RORA: variants seen among roughly 807,000 people sequenced by gnomAD.
The protein encoded by RORA is RAR related orphan receptor A, also known as nuclear receptor ROR-alpha.
Under a neutral mutation model 69.5 loss-of-function variants are expected in RORA, and 7 were observed. The ratio of observed to expected loss-of-function variants is 0.10; its 90% CI spans 0.06 to 0.19. RORA has a LOEUF of 0.19. Ranked by LOEUF, RORA falls within the 10% of genes least tolerant of loss-of-function variation. The pLI is 1.00. For missense variants in RORA, 457 were observed against 663.0 expected (o/e 0.69, Z 3.41); for synonymous variants, 261 against 240.8 (o/e 1.08, Z -0.78).
At chr15:60,713,101 A>G (rs2071166028) in intron 1 of RORA, among the ~76,000 whole-genome samples, 1 of 152,218 alleles carries the variant, frequency 6.6e-6, no homozygotes, top group Admixed American at 6.5e-5. Flanking sequence ...AAAAGATCAT[A>G]CCAAATTGTT....
intron 2 of RORA, among the ~76,000 whole-genome samples, chr15:60,656,450 A>T (rs1177317314): frequency 6.6e-6 from 1 of 152,250 alleles, no homozygotes; most frequent in African/African-American, 2.4e-5. Flanking sequence ...CAAAGTAAAC[A>T]GCAGTATGCT....
intron 2 of RORA, among the ~76,000 whole-genome samples, chr15:60,561,022 T>C (rs2067524731): frequency 6.6e-6 from 1 of 151,730 alleles, no homozygotes; most frequent in African/African-American, 2.4e-5. Context: ...TTTTAAAATG[T>C]AAGTGTTTTT....
At chr15:60,767,207 G>C (rs995044074) in intron 1 of RORA, among the ~76,000 whole-genome samples, 2 of 152,150 alleles carry the variant, frequency 1.3e-5, no homozygotes, top group Non-Finnish European at 2.9e-5. Flanking sequence ...TCTAGACTGA[G>C]GTGGTGGAAC....
At chr15:61,013,595 C>T (rs1477438831) in intron 1 of RORA, among the ~76,000 whole-genome samples, 3 of 152,122 alleles carry the variant, frequency 2.0e-5, no homozygotes, top group Non-Finnish European at 4.4e-5. Flanking sequence ...GAGCCTGTTA[C>T]CTATTAGGCC....
intron 1 of RORA, among the ~76,000 whole-genome samples, chr15:60,829,080 A>G (rs1159595048): frequency 1.3e-5 from 2 of 152,162 alleles, no homozygotes; most frequent in Admixed American, 6.5e-5. Context: ...AACCAGTCAG[A>G]CAGAGCATTC....
rs1235733991 is a variant in RORA at position 60,496,472 on chromosome 15, AT to A, written c.*982del. On this transcript the variant is annotated 3_prime_UTR_variant, in exon 11 of 11. Coordinates refer to ENST00000335670, the MANE Select transcript of RORA (RefSeq NM_134261.3). This position sits in a 1 kb window ranked among gnomAD's most constrained non-coding sequence, Gnocchi z 4.5. ...AAAGCTTTAAAAAAAAAAAATGAGC[AT>A]GATGGTATATGTCCACCACGCCAAT... 1 of 152,160 alleles carries A rather than the reference AT, an allele frequency of 6.6e-6. No homozygotes were observed. The highest frequency in any genetic ancestry group is 6.5e-5 in the Admixed American group (1 of 15,272). 9.4% of individuals were successfully genotyped at this position (152,160 alleles called of 1,614,324 possible).
At chr15:60,766,511 T>C (rs994251212) in intron 1 of RORA, among the ~76,000 whole-genome samples, 10 of 152,210 alleles carry the variant, frequency 6.6e-5, no homozygotes, top group Admixed American at 5.2e-4. Flanking sequence ...ATGTAGGCGA[T>C]GCCTGCTGCC....
chr15:60,570,507 T>C (rs190769126), intron 2 of RORA, among the ~76,000 whole-genome samples: 11 of 152,044 alleles, frequency 7.2e-5, no homozygotes, highest in Admixed American at 5.2e-4. Flanking sequence ...TTATTATTAT[T>C]ATCATCATTA....
chr15:61,180,179 A>T (rs998045391), intron 1 of RORA, among the ~76,000 whole-genome samples: 2 of 149,984 alleles, frequency 1.3e-5, no homozygotes, highest in Admixed American at 1.3e-4. Flanking sequence ...ACAAAACTGT[A>T]GAGCAACAAT....
chr15:60,778,750 G>A (rs922296181), intron 1 of RORA, among the ~76,000 whole-genome samples: 1 of 152,008 alleles, frequency 6.6e-6, no homozygotes, highest in Admixed American at 6.5e-5. Context: ...GATAGTTACT[G>A]TTTTTCTCTT....
At chr15:60,886,607 T>G (rs2073752938) in intron 1 of RORA, among the ~76,000 whole-genome samples, 1 of 152,190 alleles carries the variant, frequency 6.6e-6, no homozygotes, top group Admixed American at 6.5e-5. Context: ...TGTCAACCCA[T>G]TTGTTTACTC....
At chr15:61,060,195 A>C (rs554666775) in intron 1 of RORA, among the ~76,000 whole-genome samples, 68 of 152,278 alleles carry the variant, frequency 4.5e-4, no homozygotes, top group African/African-American at 1.6e-3. Context: ...TGTAAACTAA[A>C]TCCTTTCAGG....
chr15:60,622,622 G>A (rs339989), intron 2 of RORA, among the ~76,000 whole-genome samples: 1 of 151,912 alleles, frequency 6.6e-6, no homozygotes, highest in South Asian at 2.1e-4. Context: ...AGCCAGACCC[G>A]GTCTCAAACA....
intron 1 of RORA, among the ~76,000 whole-genome samples, chr15:61,125,928 C>T (rs2079139065): frequency 6.6e-6 from 1 of 152,188 alleles, no homozygotes; most frequent in Non-Finnish European, 1.5e-5. Context: ...GCATAGGATC[C>T]AGAAAAGCAA....
intron 1 of RORA, among the ~76,000 whole-genome samples, chr15:61,175,216 G>C (rs2140897531): frequency 6.6e-6 from 1 of 152,284 alleles, no homozygotes; most frequent in Non-Finnish European, 1.5e-5. Flanking sequence ...AGCACTTCAA[G>C]ATGCCACGAG....
chr15:61,023,594 T>A (rs4238350), intron 1 of RORA, among the ~76,000 whole-genome samples: 134,702 of 152,192 alleles, frequency 0.89, 59,885 homozygotes, highest in East Asian at 0.96. Context: ...TTTTGCAGGG[T>A]TATGGAAAGG....
chr15:61,133,210 G>A (rs557491829), intron 1 of RORA, among the ~76,000 whole-genome samples: 38 of 151,676 alleles, frequency 2.5e-4, no homozygotes, highest in South Asian at 1.5e-3. Context: ...AAGTAATATC[G>A]ATCAGGTAAT....
chr15:60,640,574 C>T (rs1162356229), intron 2 of RORA, among the ~76,000 whole-genome samples: 1 of 152,212 alleles, frequency 6.6e-6, no homozygotes, highest in Non-Finnish European at 1.5e-5. Flanking sequence ...CAAGCCCCTG[C>T]CTACCGCTTT....
intron 1 of RORA, among the ~76,000 whole-genome samples, chr15:61,204,587 T>C (rs559964246): frequency 2.6e-5 from 4 of 152,304 alleles, no homozygotes; most frequent in Admixed American, 2.0e-4. Flanking sequence ...TTGAATTATA[T>C]TCTATGAGCA....
Sources: gnomAD v4.1 joint callset for allele counts (sites outside exome capture counted in the v4.1 genomes callset) on GRCh38, gnomAD v4.1.1 for gene constraint, Gnocchi (gnomAD v3.1) non-coding constraint, MANE v1.5 for transcripts, NCBI Gene and HGNC (gene_info 2026-07-23, HGNC 2026-07-21) for gene names.